The following FTO variants were observed in gnomAD, a reference collection of about 807,000 sequenced individuals.
FTO encodes the protein alpha-ketoglutarate-dependent dioxygenase FTO.
Under a neutral mutation model 63.9 loss-of-function variants are expected in FTO, and 47 were observed. That is an observed-to-expected ratio of 0.74 (90% CI 0.58 to 0.94). The LOEUF (loss-of-function observed/expected upper bound fraction) is 0.94, where lower values mean the gene tolerates loss of function less well. Ranked by LOEUF, FTO falls within the 40% of genes least tolerant of loss-of-function variation. FTO has a pLI of 0.00. For synonymous variants in FTO, 207 were observed against 224.4 expected, an observed-to-expected ratio of 0.92 and a Z score of 0.69; for missense variants, 562 against 618.1, an observed-to-expected ratio of 0.91 and a Z score of 0.96.
chr16:53,841,738 A>AT (rs1351292715), intron 3 of FTO, among the ~76,000 whole-genome samples: 2 of 152,132 alleles, frequency 1.3e-5, no homozygotes, highest in Non-Finnish European at 2.9e-5. Context: ...GGATGCATGT[A>AT]TTTTTTAAAT....
intron 3 of FTO, among the ~76,000 whole-genome samples, chr16:53,836,183 G>T (rs541457024): frequency 6.6e-6 from 1 of 152,114 alleles, no homozygotes; most frequent in Non-Finnish European, 1.5e-5. Flanking sequence ...GAGCCACTGC[G>T]CCTGGCCTGT....
At chr16:53,872,843 A>G (rs1191921342) in intron 4 of FTO, among the ~76,000 whole-genome samples, 1 of 152,164 alleles carries the variant, frequency 6.6e-6, no homozygotes, top group Non-Finnish European at 1.5e-5. Context: ...ATTGCTGGAA[A>G]CATTACAACT....
At chr16:53,789,842 C>T (rs1285088597) in intron 1 of FTO, among the ~76,000 whole-genome samples, 1 of 145,902 alleles carries the variant, frequency 6.9e-6, no homozygotes, top group Admixed American at 6.8e-5. Context: ...ATGTATATTC[C>T]AGACAAATTA....
intron 7 of FTO, among the ~76,000 whole-genome samples, chr16:53,891,313 C>T (rs931268388): frequency 6.7e-6 from 1 of 149,914 alleles, no homozygotes; most frequent in African/African-American, 2.5e-5. Context: ...TTTTTAAAAA[C>T]CAAATTAAAA....
At chr16:53,885,529 G>C (rs970289479) in intron 6 of FTO, among the ~76,000 whole-genome samples, 1 of 152,192 alleles carries the variant, frequency 6.6e-6, no homozygotes, top group Non-Finnish European at 1.5e-5. Flanking sequence ...GAAAGGGTGG[G>C]CATGAATTGA....
intron 7 of FTO, among the ~76,000 whole-genome samples, chr16:53,924,676 G>C (rs1161596519): frequency 1.3e-5 from 2 of 152,176 alleles, no homozygotes; most frequent in Non-Finnish European, 2.9e-5. Context: ...ACCCAGTGGT[G>C]ACTTGGTGTT....
intron 8 of FTO, among the ~76,000 whole-genome samples, chr16:54,086,197 A>G (rs1438518890): frequency 6.6e-6 from 1 of 152,192 alleles, no homozygotes; most frequent in African/African-American, 2.4e-5. Context: ...ATAAAATTTC[A>G]CACCTGACTG....
chr16:53,738,201 T>C (rs556371105), intron 1 of FTO, among the ~76,000 whole-genome samples: 27 of 152,234 alleles, frequency 1.8e-4, no homozygotes, highest in African/African-American at 6.3e-4. Context: ...TTTGTATTTT[T>C]AGTAGAGACG....
At chr16:53,912,038 T>G (rs1340524291) in intron 7 of FTO, among the ~76,000 whole-genome samples, 1 of 152,228 alleles carries the variant, frequency 6.6e-6, no homozygotes, top group Non-Finnish European at 1.5e-5. Flanking sequence ...CAAGGTGCAT[T>G]TTGTTGCAAA....
intron 8 of FTO, among the ~76,000 whole-genome samples, chr16:54,007,393 G>A (rs2084233940): frequency 6.6e-6 from 1 of 152,132 alleles, no homozygotes; most frequent in Admixed American, 6.5e-5. Context: ...GGTGTTCTGA[G>A]TTCAGAGCCC....
Position 54,003,762 on chromosome 16 carries a change from A to G in FTO, c.1364+69653A>G, listed in dbSNP as rs553242369. On this transcript the variant is annotated intron_variant, in intron 8 of 8. Coordinates refer to ENST00000471389, the MANE Select transcript of FTO (RefSeq NM_001080432.3). Reference sequence around the variant, plus strand: ...TGTCATCTAAACTCTTATTTAACCTATGGTTGACAGCCTTGCTATTAAAAA... The same window carrying G: ...TGTCATCTAAACTCTTATTTAACCTGTGGTTGACAGCCTTGCTATTAAAAA... Among the ~76,000 whole-genome samples the G allele has an allele frequency of 4.7e-4, 71 of 152,334 alleles. 1 individual carries two copies. In the South Asian group the frequency reaches 0.013, roughly 29 times the overall value.
In FTO at chr16:54,111,911, C is replaced by G; in HGVS notation, c.1514C>G (p.Pro505Arg). Reference protein sequence around the residue: ...ELRGQLLEAKP With the variant: ...ELRGQLLEAKR ...AGAGGTCAGCTTCTGGAAGCAAAAC[C>G]CTAGAAGGAGCACAAGTCTCAGGCG... The change falls in exon 9 of 9, where the codon CCC becomes CGC. Residue 505 changes from proline (P) to arginine (R), a missense_variant. Physicochemically the swap from Pro to Arg is moderately radical, Grantham distance 103. Coordinates refer to ENST00000471389, the MANE Select transcript of FTO (RefSeq NM_001080432.3). 1.9e-6 allele frequency: 3 copies of G among 1,613,998 alleles called. No individual in the cohort carries two copies. Among genetic ancestry groups the G allele is most frequent in the Non-Finnish European group, 2.5e-6 (3 of 1,179,996 alleles).
At chr16:53,754,374 A>C (rs904375742) in intron 1 of FTO, among the ~76,000 whole-genome samples, 1 of 152,262 alleles carries the variant, frequency 6.6e-6, no homozygotes, top group African/African-American at 2.4e-5. Context: ...GCGGTGGCTC[A>C]CGCCTGTAAT....
chr16:53,958,184 C>T (rs978846993), intron 8 of FTO, among the ~76,000 whole-genome samples: 1 of 152,134 alleles, frequency 6.6e-6, no homozygotes, highest in African/African-American at 2.4e-5. Flanking sequence ...GCATGCGTGG[C>T]CATTTTAAGA....
chr16:53,923,225 T>G (rs758164349), intron 7 of FTO: 5 of 152,258 alleles, frequency 3.3e-5, no homozygotes, highest in Non-Finnish European at 5.9e-5. Context: ...GTTAATGTAC[T>G]GTATGTGAAA....
At chr16:54,059,030 G>A (rs1357328749) in intron 8 of FTO, among the ~76,000 whole-genome samples, 2 of 152,166 alleles carry the variant, frequency 1.3e-5, no homozygotes, top group African/African-American at 4.8e-5. Flanking sequence ...TTTTGTATCA[G>A]CTCAGCCAGA....
intron 1 of FTO, among the ~76,000 whole-genome samples, chr16:53,788,464 A>G (rs1327176829): frequency 2.0e-5 from 3 of 151,812 alleles, no homozygotes; most frequent in East Asian, 1.9e-4. Context: ...TTAGCCGGAC[A>G]TGGTGGTGGG....
Position 54,108,339 on chromosome 16 carries a change from G to A in FTO, c.1365-3423G>A, listed in dbSNP as rs77884384. Among the ~76,000 whole-genome samples, 1,425 of 152,242 alleles carry A rather than the reference G, an allele frequency of 9.4e-3. 25 individuals are homozygous for A. The highest frequency in any genetic ancestry group is 0.033 in the African/African-American group (1,356 of 41,536). The stretch of plus-strand genomic sequence containing the variant: ...CCTTTTATCAATCCTAGGTCTTCAG[G>A]AATAACTGCTGATCCCTTCTGAATC... On this transcript the variant is annotated intron_variant, in intron 8 of 8. Coordinates refer to ENST00000471389, the MANE Select transcript of FTO (RefSeq NM_001080432.3).
At chr16:53,986,257 T>C (rs1163138249) in intron 8 of FTO, among the ~76,000 whole-genome samples, 1 of 152,148 alleles carries the variant, frequency 6.6e-6, no homozygotes, top group East Asian at 1.9e-4. Context: ...ATGACTGAAA[T>C]AGACAGGGAA....
Sources: gnomAD v4.1 joint callset for allele counts (sites outside exome capture counted in the v4.1 genomes callset) on GRCh38, gnomAD v4.1.1 for gene constraint, MANE v1.5 for transcripts, NCBI Gene and HGNC (gene_info 2026-07-23, HGNC 2026-07-21) for gene names.